KMT5A: variants seen among roughly 807,000 people sequenced by gnomAD.
The protein encoded by KMT5A is N-lysine methyltransferase KMT5A.
In KMT5A, 6 loss-of-function variants were observed where a neutral mutation model predicts 40.6. That is an observed-to-expected ratio of 0.15 (90% CI 0.08 to 0.29). KMT5A has a LOEUF of 0.29. Among genes scored for constraint, KMT5A ranks in the 10% least tolerant of loss-of-function variants. The pLI, the probability that KMT5A is intolerant of heterozygous loss-of-function variation, is 1.00. For synonymous variants in KMT5A, 153 were observed against 178.8 expected, an observed-to-expected ratio of 0.86 and a Z score of 1.15; for missense variants, 308 against 459.1, an observed-to-expected ratio of 0.67 and a Z score of 3.01.
chr12:123,396,940 T>C lies in KMT5A; in HGVS notation c.597+508T>C, dbSNP rs1383545395. 2.0e-5 allele frequency among the ~76,000 whole-genome samples: 3 copies of C among 152,336 alleles called. No homozygotes were observed. The East Asian group carries it at 5.8e-4, about 29-fold the overall frequency. ...TCCAGTCTGTAAAATGGTACAATAA[T>C]GTAGTACCTGCTAGAGCTGTGGTGA... On this transcript the variant is annotated intron_variant, in intron 5 of 7. Coordinates refer to ENST00000402868, the MANE Select transcript of KMT5A (RefSeq NM_020382.7).
In KMT5A at chr12:123,395,144, C is replaced by T. The variant is rs763947996; in HGVS notation, c.387C>T (p.Asn129=). Residue 129 remains asparagine (N), a synonymous_variant, in exon 4 of 8, where the codon AAC becomes AAT. Coordinates refer to ENST00000402868, the MANE Select transcript of KMT5A (RefSeq NM_020382.7). ...ARKGPLVPFP[N]QKSEAAEPPK... The stretch of plus-strand genomic sequence containing the variant: ...AAGGTCCCCTGGTACCTTTTCCAAA[C>T]CAAAAATCTGAAGCAGCAGAACCTC... The T allele has an allele frequency of 1.9e-6, 3 of 1,610,148 alleles. No homozygotes were observed. The highest frequency in any genetic ancestry group is 2.2e-5 in the East Asian group (1 of 44,828).
chr12:123,394,005 ACT>A (rs920323420), intron 3 of KMT5A, among the ~76,000 whole-genome samples: 3 of 151,640 alleles, frequency 2.0e-5, no homozygotes, highest in Non-Finnish European at 2.9e-5. Flanking sequence ...TCATATGGTA[ACT>A]CTGTGTTTAA....
At chr12:123,405,560 C>T (rs933000039) in intron 7 of KMT5A, among the ~76,000 whole-genome samples, 3 of 144,478 alleles carry the variant, frequency 2.1e-5, no homozygotes, top group African/African-American at 8.2e-5. Flanking sequence ...CGATCTGTCG[C>T]CCAAGCTGGA....
Position 123,384,172 on chromosome 12 carries a change from G to A in KMT5A, c.-27G>A. On this transcript the variant is annotated 5_prime_UTR_variant, in exon 1 of 8. Coordinates refer to ENST00000402868, the MANE Select transcript of KMT5A (RefSeq NM_020382.7). The surrounding 1 kb of genome is among the most constrained non-coding windows in gnomAD (Gnocchi z 5.7). Reference sequence around the variant, plus strand: ...TTTTCGAAAGCTGGGTTTCCCGGGAGATCCCAGGCGGTGACAGAGTGGAGC... The same window carrying A: ...TTTTCGAAAGCTGGGTTTCCCGGGAAATCCCAGGCGGTGACAGAGTGGAGC... The A allele has an allele frequency of 6.2e-7, 1 of 1,613,602 alleles. No homozygotes were observed.
Position 123,408,722 on chromosome 12 carries a change from A to G in KMT5A, c.*1019A>G, listed in dbSNP as rs1057068554. On this transcript the variant is annotated 3_prime_UTR_variant, in exon 8 of 8. Coordinates refer to ENST00000402868, the MANE Select transcript of KMT5A (RefSeq NM_020382.7). Reference sequence around the variant, plus strand: ...ATCCTGCTGGGGTTGAAAGTTCCAGACCTGCTGTCGAGGCCTTGTGTTTGT... The same window carrying G: ...ATCCTGCTGGGGTTGAAAGTTCCAGGCCTGCTGTCGAGGCCTTGTGTTTGT... The G allele has an allele frequency of 3.9e-5, 6 of 152,386 alleles. No homozygotes were observed. In the Admixed American group the frequency reaches 3.9e-4, roughly 10 times the overall value. The allele number at this position is 152,386 out of a possible 1,614,324, so 9.4% of individuals were successfully genotyped here. A position where few individuals can be genotyped will look rare whatever the true frequency, so the allele number is the denominator to read the frequency against.
intron 3 of KMT5A, among the ~76,000 whole-genome samples, 165 bp from the exon 4 acceptor site, chr12:123,394,882 C>G (rs577280383): frequency 6.6e-6 from 1 of 152,182 alleles, no homozygotes; most frequent in African/African-American, 2.4e-5. Context: ...GGCACTCCCC[C>G]TGTCATAGCC....
chr12:123,389,774 C>T (rs762057167), intron 2 of KMT5A, among the ~76,000 whole-genome samples: 35 of 152,262 alleles, frequency 2.3e-4, no homozygotes, highest in Non-Finnish European at 3.8e-4. Flanking sequence ...CAGCCCAAGA[C>T]CCTACTTCCC....
At chr12:123,392,964 T>C (rs888885597) in intron 3 of KMT5A, among the ~76,000 whole-genome samples, 4 of 151,904 alleles carry the variant, frequency 2.6e-5, no homozygotes, top group African/African-American at 9.7e-5. Flanking sequence ...GCAACCTCCA[T>C]CTCCCGGGTT....
chr12:123,401,900 T>A (rs1324249226), intron 5 of KMT5A, among the ~76,000 whole-genome samples: 1 of 152,134 alleles, frequency 6.6e-6, no homozygotes, highest in African/African-American at 2.4e-5. Flanking sequence ...TGTTTTTTTT[T>A]AAGACAGGGT....
At chr12:123,407,465 A>G in intron 7 of KMT5A, 28 bp from the exon 8 acceptor site, 7 of 1,610,438 alleles carry the variant, frequency 4.3e-6, no homozygotes, top group Non-Finnish European at 5.9e-6. Flanking sequence ...TATCCATTTA[A>G]TCCTCTCTGG....
intron 5 of KMT5A, among the ~76,000 whole-genome samples, chr12:123,401,557 A>G (rs549246877): frequency 1.5e-4 from 23 of 151,076 alleles, no homozygotes; most frequent in Middle Eastern, 3.4e-3. Context: ...TTACTATTAA[A>G]TAAGTTTATG....
chr12:123,390,340 C>T (rs1009377760), intron 2 of KMT5A, among the ~76,000 whole-genome samples: 5 of 152,290 alleles, frequency 3.3e-5, no homozygotes, highest in African/African-American at 1.2e-4. Context: ...CTCCCTGTTG[C>T]GGGTAGGCTG....
At position 123,384,657 on chromosome 12, in the gene KMT5A, G is replaced by A. The variant is rs1041260305; in HGVS notation, c.10+449G>A. ...GCAGATCGATAACCTGCATATTGGGGTGCGCGTCAGGGTGGACACCGCAGC... is the reference window on the plus strand; with the variant it reads ...GCAGATCGATAACCTGCATATTGGGATGCGCGTCAGGGTGGACACCGCAGC... On this transcript the variant is annotated intron_variant, in intron 1 of 7. Transcript: ENST00000402868. This position sits in a 1 kb window ranked among gnomAD's most constrained non-coding sequence, Gnocchi z 5.7. Among the ~76,000 whole-genome samples, 5 of 152,264 alleles carry A rather than the reference G, an allele frequency of 3.3e-5. No homozygotes were observed. Among genetic ancestry groups the A allele is most frequent in the Non-Finnish European group, 7.3e-5 (5 of 68,046 alleles).
intron 5 of KMT5A, among the ~76,000 whole-genome samples, chr12:123,397,559 C>T (rs1314815391): frequency 2.6e-5 from 4 of 152,062 alleles, no homozygotes; most frequent in African/African-American, 9.7e-5. Context: ...TTTTCTTCCC[C>T]ACAGAGAGCA....
At chr12:123,391,938 A>G (rs1011482876) in intron 3 of KMT5A, among the ~76,000 whole-genome samples, 1 of 152,200 alleles carries the variant, frequency 6.6e-6, no homozygotes, top group Non-Finnish European at 1.5e-5. Context: ...ACACAGGGCA[A>G]TATTGTTTTA....
chr12:123,391,694 A>G lies in KMT5A; in HGVS notation c.289+908A>G, dbSNP rs558215625. ...TCCAAATATTCCCTTTCAAAGCTGCAGTGGGGAGTGTCAGCTTTCCCCAAT... is the reference window on the plus strand; with the variant it reads ...TCCAAATATTCCCTTTCAAAGCTGCGGTGGGGAGTGTCAGCTTTCCCCAAT... On this transcript the variant is annotated intron_variant, in intron 3 of 7. Transcript: ENST00000402868. Among the ~76,000 whole-genome samples, 5 of 152,372 alleles carry G rather than the reference A, an allele frequency of 3.3e-5. No individual in the cohort carries two copies. The East Asian group carries it at 9.6e-4, about 29-fold the overall frequency.
chr12:123,395,413 AG>A, intron 4 of KMT5A, 147 bp downstream of exon 4: 1 of 810,538 alleles, frequency 1.2e-6, no homozygotes, highest in East Asian at 2.7e-5. Context: ...AGTCATCAGC[AG>A]GGATGCCACT....
At chr12:123,391,843 AC>A (rs1243359461) in intron 3 of KMT5A, among the ~76,000 whole-genome samples, 11 of 152,116 alleles carry the variant, frequency 7.2e-5, no homozygotes, top group Admixed American at 7.2e-4. Flanking sequence ...ATTTGGCATG[AC>A]CTCTGGGGCC....
intron 1 of KMT5A, among the ~76,000 whole-genome samples, chr12:123,387,337 G>C (rs1331278769): frequency 6.6e-6 from 1 of 152,220 alleles, no homozygotes; most frequent in Non-Finnish European, 1.5e-5. Context: ...ATGACCATGA[G>C]TGGGGCGTGG....
Sources: allele counts gnomAD v4.1 joint callset (sites outside exome capture counted in the v4.1 genomes callset), GRCh38; gene constraint gnomAD v4.1.1; non-coding constraint Gnocchi (gnomAD v3.1); transcripts MANE v1.5; gene names NCBI Gene and HGNC (gene_info 2026-07-23, HGNC 2026-07-21).